The following NPR1 variants were observed in gnomAD, a reference collection of about 807,000 sequenced individuals.
NPR1 encodes the protein atrial natriuretic peptide receptor 1.
Under a neutral mutation model 116.9 loss-of-function variants are expected in NPR1, and 57 were observed. The ratio of observed to expected loss-of-function variants is 0.49; its 90% confidence interval spans 0.39 to 0.61. NPR1 has a LOEUF of 0.61. Among genes scored for constraint, NPR1 ranks in the 20% least tolerant of loss-of-function variants. NPR1 has a pLI of 0.00. For synonymous variants in NPR1, 555 were observed against 601.6 expected, an observed-to-expected ratio of 0.92 and a Z score of 1.13; for missense variants, 1,096 against 1,409.8, an observed-to-expected ratio of 0.78 and a Z score of 3.56.
intron 8 of NPR1, among the ~76,000 whole-genome samples, chr1:153,685,594 T>A (rs1010516199): frequency 3.3e-5 from 5 of 151,204 alleles, no homozygotes; most frequent in Admixed American, 6.6e-5. Context: ...AGCCCAGGAG[T>A]CTGAGGCGGC....
At position 153,689,774 on chromosome 1, in the gene NPR1, T is replaced by G. The variant is rs775246361; in HGVS notation, c.2758-32T>G. On this transcript the variant is annotated intron_variant, in intron 18 of 21. Coordinates refer to ENST00000368680, the MANE Select transcript of NPR1 (RefSeq NM_000906.4). The surrounding 1 kb of genome is among the most constrained non-coding windows in gnomAD (Gnocchi z 5.1). ...GTGGCCGGCCGCACAGTTGCAGCCG[T>G]CAAGTCCTGCACCCCCTCGCCACTC... 24 of 1,498,302 alleles carry G rather than the reference T, an allele frequency of 1.6e-5. No homozygotes were observed. The African/African-American group carries it at 3.2e-4, about 20-fold the overall frequency. The allele number at this position is 1,498,302 out of a possible 1,614,324, so 92.8% of individuals were successfully genotyped here.
intron 11 of NPR1, 103 bp downstream of exon 11, chr1:153,686,853 C>T (rs1669947570): frequency 7.8e-7 from 1 of 1,278,702 alleles, no homozygotes; most frequent in East Asian, 2.4e-5. Context: ...TCTGACCTTT[C>T]TGGCCCCATC....
At chr1:153,683,294 T>G in intron 5 of NPR1, 82 bp from the exon 6 acceptor site, 2 of 1,482,240 alleles carry the variant, frequency 1.3e-6, no homozygotes, top group Non-Finnish European at 1.8e-6. Flanking sequence ...AGAGCTGGGG[T>G]AGGTGGGAGG....
At chr1:153,686,370 G>T (rs1225977103) in intron 10 of NPR1, among the ~76,000 whole-genome samples, 170 bp downstream of exon 10, 2 of 152,042 alleles carry the variant, frequency 1.3e-5, no homozygotes, top group African/African-American at 4.8e-5. Context: ...GGTATCCTAA[G>T]CTAGGAGAAG....
At chr1:153,685,178 T>C (rs1435112779) in intron 8 of NPR1, 94 bp downstream of exon 8, 32 of 1,490,392 alleles carry the variant, frequency 2.1e-5, no homozygotes, top group Non-Finnish European at 2.8e-5. Context: ...AGGATTCTAG[T>C]CCCAGCTCTG....
intron 6 of NPR1, 113 bp from the exon 7 acceptor site, chr1:153,683,627 C>A: frequency 6.5e-7 from 1 of 1,544,512 alleles, no homozygotes; most frequent in Non-Finnish European, 8.9e-7. Context: ...ATGACTCCTG[C>A]CTTTTTCTTC....
Position 153,687,732 on chromosome 1 carries a change from G to A in NPR1, c.2191G>A (p.Glu731Lys). 6.2e-7 allele frequency: 1 copy of A among 1,606,848 alleles called. No individual in the cohort carries two copies. Among genetic ancestry groups the A allele is most frequent in the African/African-American group, 1.3e-5 (1 of 74,890 alleles). ...DVYSFGIILQ[E>K]IALRSGVFHV... Reference sequence around the variant, plus strand: ...ATACAGCTTTGGGATCATCCTTCAGGAGATTGCCCTGAGGAGTGGGGTCTT... The same window carrying A: ...ATACAGCTTTGGGATCATCCTTCAGAAGATTGCCCTGAGGAGTGGGGTCTT... Residue 731 changes from glutamate (E) to lysine (K), a missense_variant, in exon 14 of 22, where the codon GAG becomes AAG. By Grantham distance (56) the Glu-to-Lys change is moderately conservative. Transcript: ENST00000368680.
At chr1:153,690,901 C>T (rs1016528055) in intron 20 of NPR1, among the ~76,000 whole-genome samples, 9 of 144,068 alleles carry the variant, frequency 6.2e-5, no homozygotes, top group Non-Finnish European at 1.0e-4. Flanking sequence ...CAAGATTACA[C>T]CACGCACCCC....
Position 153,693,097 on chromosome 1 carries a change from C to G in NPR1, c.3032-9C>G. On this transcript the variant is annotated splice_polypyrimidine_tract_variant and intron_variant, in intron 20 of 21. Transcript: ENST00000368680. Reference sequence around the variant, plus strand: ...TTGCTCACCTTCCCTTCTCCCCTGTCCTACCCAGCCCTGAAGATCCACTTG... The same window carrying G: ...TTGCTCACCTTCCCTTCTCCCCTGTGCTACCCAGCCCTGAAGATCCACTTG... 6.2e-7 allele frequency: 1 copy of G among 1,611,688 alleles called. No homozygotes were observed.
chr1:153,684,996 A>G lies in NPR1; in HGVS notation c.1517A>G (p.Glu506Gly). 1.2e-6 allele frequency: 2 copies of G among 1,614,090 alleles called. No homozygotes were observed. The stretch of plus-strand genomic sequence containing the variant: ...CAGCTGGAGAAGGAACTGGCCTCGG[A>G]GCTGTGGCGGGTGCGCTGGGAGGAC... ...KMQLEKELASELWRVRWEDVE... is the reference protein window; with the variant it reads ...KMQLEKELASGLWRVRWEDVE... Residue 506 changes from glutamate (E) to glycine (G), a missense_variant, in exon 8 of 22, where the codon GAG becomes GGG. Physicochemically the swap from Glu to Gly is moderately conservative, Grantham distance 98. Transcript: ENST00000368680.
Position 153,688,050 on chromosome 1 carries a change from C to T in NPR1, c.2249-3C>T. ...CCTCAGCTCCTCTACCCCCCCAATA[C>T]AGAGATCATCGAGCGGGTGACTCGG... is the stretch of plus-strand genomic sequence containing the variant. On this transcript the variant is annotated splice_polypyrimidine_tract_variant and splice_region_variant and intron_variant, in intron 14 of 21. Transcript: ENST00000368680. The T allele has an allele frequency of 6.2e-7, 1 of 1,602,318 alleles. No homozygotes were observed. The highest frequency in any genetic ancestry group is 8.5e-7 in the Non-Finnish European group (1 of 1,173,252).
Position 153,687,224 on chromosome 1 carries a change from G to A in NPR1, c.1960G>A (p.Ala654Thr). The A allele has an allele frequency of 6.2e-7, 1 of 1,614,160 alleles. No individual in the cohort carries two copies. The highest frequency in any genetic ancestry group is 8.5e-7 in the Non-Finnish European group (1 of 1,179,992). Reference protein sequence around the residue: ...VKGMLFLHNGAICSHGNLKSS... With the variant: ...VKGMLFLHNGTICSHGNLKSS... ...GGGCATGCTGTTTCTACACAATGGG[G>A]CTATCTGTTCCCATGGGAACCTCAA... Residue 654 changes from alanine (A) to threonine (T), a missense_variant, in exon 13 of 22, where the codon GCT becomes ACT. Ala to Thr is a moderately conservative substitution (Grantham distance 58, BLOSUM62 0). Transcript: ENST00000368680.
intron 4 of NPR1, 127 bp downstream of exon 4, chr1:153,681,966 C>A: frequency 8.7e-7 from 1 of 1,144,448 alleles, no homozygotes; most frequent in Non-Finnish European, 1.2e-6. Flanking sequence ...TCCTCCACAG[C>A]TTTTTTCAGG....
chr1:153,691,707 G>A (rs757515898), intron 20 of NPR1, among the ~76,000 whole-genome samples: 1 of 151,980 alleles, frequency 6.6e-6, no homozygotes, highest in Non-Finnish European at 1.5e-5. Context: ...GACTAGCCTG[G>A]CCAACATGGT....
intron 5 of NPR1, among the ~76,000 whole-genome samples, 171 bp from the exon 6 acceptor site, chr1:153,683,205 G>A (rs915436879): frequency 6.6e-6 from 1 of 152,050 alleles, no homozygotes; most frequent in Non-Finnish European, 1.5e-5. Context: ...TATGTGTGTG[G>A]TATGAGGTCC....
At chr1:153,693,279 A>G (rs1670154712) in intron 21 of NPR1, 73 bp from the exon 22 acceptor site, 2 of 1,600,636 alleles carry the variant, frequency 1.2e-6, no homozygotes, top group South Asian at 2.2e-5. Context: ...TGCCACTCCC[A>G]TCCCTAAGGC....
Position 153,682,538 on chromosome 1 carries a change from G to C in NPR1, c.1212G>C (p.Arg404=), listed in dbSNP as rs1041093843. The C allele has an allele frequency of 3.1e-6, 5 of 1,613,912 alleles. No homozygotes were observed. The African/African-American group carries it at 6.7e-5, about 22-fold the overall frequency. Residue 404 remains arginine, a synonymous_variant, in exon 5 of 22, where the codon CGG becomes CGC. Coordinates refer to ENST00000368680, the MANE Select transcript of NPR1 (RefSeq NM_000906.4). ...GYLKIDSSGD[R]ETDFSLWDMD... ...TGAAAATTGATAGCAGTGGCGATCG[G>C]GAAACAGACTTCTCCCTCTGGGATA...
Position 153,682,588 on chromosome 1 carries a change from G to C in NPR1, c.1262G>C (p.Arg421Thr). 1 of 1,612,780 alleles carries C rather than the reference G, an allele frequency of 6.2e-7. No individual in the cohort carries two copies. Among genetic ancestry groups the C allele is most frequent in the Non-Finnish European group, 8.5e-7 (1 of 1,178,904 alleles). ...WDMDPENGAF[R>T]VVLNYNGTSQ... ...ATGGATCCCGAGAATGGTGCCTTCA[G>C]GGTAAGTTTGTGCACCCAGAAGACA... The change falls in exon 5 of 22, where the codon AGG becomes ACG. Residue 421 changes from arginine to threonine, a missense_variant and splice_region_variant. Coordinates refer to ENST00000368680, the MANE Select transcript of NPR1 (RefSeq NM_000906.4).
chr1:153,688,928 C>A, intron 15 of NPR1, 25 bp from the exon 16 acceptor site: 1 of 1,613,652 alleles, frequency 6.2e-7, no homozygotes, highest in Non-Finnish European at 8.5e-7. Context: ...CTCTTACCAC[C>A]CCCACCGCCA....
Sources: gnomAD v4.1 joint callset for allele counts (sites outside exome capture counted in the v4.1 genomes callset) on GRCh38, gnomAD v4.1.1 for gene constraint, Gnocchi (gnomAD v3.1) non-coding constraint, MANE v1.5 for transcripts, NCBI Gene and HGNC (gene_info 2026-07-23, HGNC 2026-07-21) for gene names.